Variants in ADGRF3 observed in about 807,000 individuals in gnomAD.
ADGRF3 encodes adhesion G protein-coupled receptor F3, also known as G protein-coupled receptor 113.
A neutral mutation model predicts 93.2 loss-of-function variants in ADGRF3; 85 were observed. That is an observed-to-expected ratio of 0.91 (90% CI 0.77 to 1.09). The LOEUF is 1.09. ADGRF3 is among the 50% of genes least tolerant of loss of function. The pLI, the probability that ADGRF3 is intolerant of heterozygous loss-of-function variation, is 0.00. For missense variants in ADGRF3, 1,125 were observed against 1,246.2 expected (o/e 0.90, Z 1.46); for synonymous variants, 534 against 532.5 (o/e 1.00, Z -0.04).
chr2:26,317,926 TA>T, intron 1 of ADGRF3: 1 of 1,077,562 alleles, frequency 9.3e-7, no homozygotes, highest in Middle Eastern at 2.0e-4. Context: ...TTGGGGAGTT[TA>T]TTCCTTCTGT....
chr2:26,316,724 G>A (rs1674718992), intron 3 of ADGRF3, among the ~76,000 whole-genome samples, 188 bp downstream of exon 3: 1 of 152,232 alleles, frequency 6.6e-6, no homozygotes, highest in African/African-American at 2.4e-5. Flanking sequence ...AAGATAGGGG[G>A]ATGTGGCAGG....
chr2:26,309,455 C>T, intron 13 of ADGRF3, 71 bp downstream of exon 13: 3 of 1,571,804 alleles, frequency 1.9e-6, no homozygotes, highest in Non-Finnish European at 2.6e-6. Context: ...AGCACTTTGC[C>T]AGGAGGCCCT....
At chr2:26,333,831 A>AT (rs554478340) in intron 1 of ADGRF3, among the ~76,000 whole-genome samples, 110 of 149,636 alleles carry the variant, frequency 7.4e-4, no homozygotes, top group African/African-American at 2.2e-3. Flanking sequence ...TTTATTTACT[A>AT]TTTTTTTTTT....
chr2:26,346,625 C>A lies in ADGRF3; in HGVS notation c.-391G>T, dbSNP rs1175636728. ...ATGGAGTTCCTTCTGTTGTGTCAATCGCCTTCATTTTAGTGAAGTTTCCAC... is the reference window on the plus strand; with the variant it reads ...ATGGAGTTCCTTCTGTTGTGTCAATAGCCTTCATTTTAGTGAAGTTTCCAC... On this transcript the variant is annotated 5_prime_UTR_variant, in exon 1 of 14. Coordinates refer to ENST00000651242, the MANE Select transcript of ADGRF3 (RefSeq NM_001321971.2). 1.6e-5 allele frequency: 3 copies of A among 192,642 alleles called. No homozygotes were observed. The highest frequency in any genetic ancestry group is 4.7e-5 in the African/African-American group (2 of 42,484). The allele number at this position is 192,642 out of a possible 1,614,324, so 11.9% of individuals were successfully genotyped here. A position where few individuals can be genotyped will look rare whatever the true frequency, so the allele number is the denominator to read the frequency against.
In ADGRF3 at chr2:26,313,371, C is replaced by A. The variant is rs1333781376; in HGVS notation, c.1269+6G>T. The A allele has an allele frequency of 1.9e-6, 3 of 1,575,236 alleles. No individual in the cohort carries two copies. The highest frequency in any genetic ancestry group is 2.6e-6 in the Non-Finnish European group (3 of 1,160,970). On this transcript the variant is annotated splice_donor_region_variant and intron_variant, in intron 8 of 13. Coordinates refer to ENST00000651242, the MANE Select transcript of ADGRF3 (RefSeq NM_001321971.2). The stretch of plus-strand genomic sequence containing the variant: ...GGGCACGTGGGCAGCAGGGTGGAAG[C>A]TTCACCTTGGTTCTAGTGAACAAGG...
chr2:26,341,685 A>G (rs146485587), intron 1 of ADGRF3, among the ~76,000 whole-genome samples: 213 of 152,184 alleles, frequency 1.4e-3, no homozygotes, highest in African/African-American at 4.9e-3. Context: ...TTTGGTAGAG[A>G]CAGGGTCTCC....
rs760031749 is a variant in ADGRF3, at chr2:26,310,802, GC to G, written c.2721del (p.Leu908SerfsTer19). ...AGGCCAAAGATGGGTGTAAGAATGA[GC>G]AGGGCTTTGATCACCCCCAGCAGAG... is the stretch of plus-strand genomic sequence containing the variant. ...RQALLGVIKA[L>X]LILTPIFGLT... On this transcript the variant is annotated frameshift_variant, in exon 10 of 14. Coordinates refer to ENST00000651242, the MANE Select transcript of ADGRF3 (RefSeq NM_001321971.2). LOFTEE classifies it high-confidence loss of function. 7 of 1,613,800 alleles carry G rather than the reference GC, an allele frequency of 4.3e-6. No homozygotes were observed. The highest frequency in any genetic ancestry group is 5.9e-6 in the Non-Finnish European group (7 of 1,179,796).
intron 1 of ADGRF3, among the ~76,000 whole-genome samples, chr2:26,331,163 A>G (rs374992554): frequency 6.4e-4 from 98 of 152,316 alleles, no homozygotes; most frequent in African/African-American, 2.3e-3. Flanking sequence ...TTCTTGTCAG[A>G]GAAGATCATC....
chr2:26,336,982 A>C lies in ADGRF3; in HGVS notation c.114+9139T>G, dbSNP rs528059556. On this transcript the variant is annotated intron_variant, in intron 1 of 13. Coordinates refer to ENST00000651242, the MANE Select transcript of ADGRF3 (RefSeq NM_001321971.2). ...GAGATAGTTTATGATGACTAAAAAAAGCCAATGACAAGAGTTTTTGCCGTT... is the reference window on the plus strand; with the variant it reads ...GAGATAGTTTATGATGACTAAAAAACGCCAATGACAAGAGTTTTTGCCGTT... Among the ~76,000 whole-genome samples, 38 of 152,318 alleles carry C rather than the reference A, an allele frequency of 2.5e-4. No individual in the cohort carries two copies. The South Asian group carries it at 7.7e-3, about 31-fold the overall frequency.
chr2:26,335,297 G>A (rs965757057), intron 1 of ADGRF3, among the ~76,000 whole-genome samples: 2 of 152,120 alleles, frequency 1.3e-5, no homozygotes, highest in African/African-American at 4.8e-5. Context: ...ACACTATATG[G>A]CCATTTGTGT....
intron 4 of ADGRF3, 108 bp from the exon 5 acceptor site, chr2:26,315,848 C>A: frequency 6.9e-7 from 1 of 1,455,482 alleles, no homozygotes; most frequent in Non-Finnish European, 9.2e-7. Context: ...CTCCACACTC[C>A]CTCCCTAGCT....
chr2:26,333,929 T>C (rs1675901132), intron 1 of ADGRF3, among the ~76,000 whole-genome samples: 1 of 152,020 alleles, frequency 6.6e-6, no homozygotes, highest in Non-Finnish European at 1.5e-5. Flanking sequence ...GTTCAAGCAA[T>C]TCTGTCTCAG....
intron 1 of ADGRF3, chr2:26,318,167 A>G (rs1192991434): frequency 1.6e-6 from 2 of 1,245,236 alleles, no homozygotes; most frequent in Non-Finnish European, 2.2e-6. Flanking sequence ...GAGAGAGAAC[A>G]TGGCAGTCCT....
chr2:26,317,647 T>C (rs775332420), intron 1 of ADGRF3, 85 bp from the exon 2 acceptor site: 1 of 1,219,504 alleles, frequency 8.2e-7, no homozygotes, highest in Non-Finnish European at 1.2e-6. Context: ...CCAGCATGAC[T>C]CAGTCTCAAC....
chr2:26,339,114 C>CAAAAAAAAAAAAAAA (rs61584458), intron 1 of ADGRF3, among the ~76,000 whole-genome samples: 3 of 39,658 alleles, frequency 7.6e-5, no homozygotes, highest in African/African-American at 1.7e-4. Flanking sequence ...GACTCCGTCA[C>CAAAAAAAAAAAAAAA]AAAAAAAAAA....
chr2:26,315,270 A>G (rs764576054), intron 5 of ADGRF3, among the ~76,000 whole-genome samples: 11 of 152,250 alleles, frequency 7.2e-5, no homozygotes, highest in Non-Finnish European at 7.3e-5. Context: ...CCCAGACCAC[A>G]GTGAAAACAG....
rs769491861 is a variant in ADGRF3 at position 26,311,646 on chromosome 2, G to A, written c.1878C>T (p.Asp626=). 1.9e-6 allele frequency: 3 copies of A among 1,613,340 alleles called. No homozygotes were observed. Among genetic ancestry groups the A allele is most frequent in the Non-Finnish European group, 2.5e-6 (3 of 1,179,894 alleles). ...TGACCTCTCCCTGGCTGAAGGCCCG[G>A]TCACCTGCCATGATGGAAATGACAA... ...LVLVISIMAG[D]RAFSQGEVIM... The change falls in exon 10 of 14, where the codon GAC becomes GAT. Residue 626 remains aspartate (D), a synonymous_variant. Coordinates refer to ENST00000651242, the MANE Select transcript of ADGRF3 (RefSeq NM_001321971.2).
intron 1 of ADGRF3, among the ~76,000 whole-genome samples, chr2:26,324,013 G>A (rs1348901739): frequency 5.9e-5 from 9 of 152,100 alleles, no homozygotes; most frequent in Non-Finnish European, 1.2e-4. Context: ...AGGCCGAGGC[G>A]GGTGGATTGC....
chr2:26,344,619 G>A (rs965338262), intron 1 of ADGRF3, among the ~76,000 whole-genome samples: 7 of 152,362 alleles, frequency 4.6e-5, no homozygotes, highest in Non-Finnish European at 5.9e-5. Context: ...TCGAGGGCAA[G>A]TGTGATAAAG....
Sources: allele counts gnomAD v4.1 joint callset (sites outside exome capture counted in the v4.1 genomes callset), GRCh38; gene constraint gnomAD v4.1.1; transcripts MANE v1.5; gene names NCBI Gene and HGNC (gene_info 2026-07-23, HGNC 2026-07-21).